The following DMD variants were observed in gnomAD, a reference collection of about 807,000 sequenced individuals.
The protein encoded by DMD is dystrophin, also known as mutant dystrophin.
A neutral mutation model predicts 330.1 loss-of-function variants in DMD; 63 were observed. The observed-to-expected ratio is 0.19, with a 90% CI of 0.16 to 0.24. DMD has a LOEUF of 0.24. Among genes scored for constraint, DMD ranks in the 10% least tolerant of loss-of-function variants. The probability of loss-of-function intolerance (pLI) is 1.00; values close to 1 mark genes in which losing one functional copy is unlikely to be tolerated. For synonymous variants in DMD, 1,223 were observed against 959.8 expected (o/e 1.27, Z -5.07); for missense variants, 3,344 against 2,684.1 (o/e 1.25, Z -5.43).
chrX:31,416,003 C>T (rs1364697575), intron 60 of DMD, among the ~76,000 whole-genome samples: 3 of 111,967 alleles, frequency 2.7e-5, no homozygotes. Flanking sequence ...ATTTTGCATA[C>T]TCAAAGGACC....
chrX:31,719,928 T>C lies in DMD; in HGVS notation c.7660+9703A>G, dbSNP rs960437043. 6.3e-5 allele frequency among the ~76,000 whole-genome samples: 7 copies of C among 111,725 alleles called. No homozygotes were observed. The Admixed American group carries it at 6.7e-4, about 11-fold the overall frequency. ...TCATATGACTGCAGCCTAATTGACA[T>C]CTGAGTGCAACATCATGAGTGATCG... On this transcript the variant is annotated intron_variant, in intron 52 of 78. Coordinates refer to ENST00000357033, the MANE Select transcript of DMD (RefSeq NM_004006.3).
chrX:32,092,724 CTTTTTTT>C (rs11315047), intron 44 of DMD, among the ~76,000 whole-genome samples: 26 of 39,784 alleles, frequency 6.5e-4, no homozygotes, highest in African/African-American at 2.3e-3. Flanking sequence ...GTTATTTTCA[CTTTTTTT>C]TTTTTTTTTT....
At chrX:31,867,531 T>C (rs189868936) in intron 48 of DMD, among the ~76,000 whole-genome samples, 2 of 111,127 alleles carry the variant, frequency 1.8e-5, no homozygotes, top group Non-Finnish European at 3.8e-5. Context: ...AAATTTTTTT[T>C]AATCTCAGAT....
At chrX:31,647,532 GTATT>G (rs1240962912) in intron 54 of DMD, among the ~76,000 whole-genome samples, 1 of 111,978 alleles carries the variant, frequency 8.9e-6, no homozygotes, top group Middle Eastern at 4.2e-3. Context: ...CATGAAAACT[GTATT>G]TGGTCATTTC....
At chrX:32,936,077 G>C (rs1478758510) in intron 2 of DMD, among the ~76,000 whole-genome samples, 1 of 108,729 alleles carries the variant, frequency 9.2e-6, no homozygotes, top group Admixed American at 9.9e-5. Flanking sequence ...AAACTGTCTA[G>C]AAACCACAGG....
intron 59 of DMD, among the ~76,000 whole-genome samples, chrX:31,476,203 G>C (rs745897159): frequency 3.5e-4 from 38 of 107,189 alleles, no homozygotes; most frequent in African/African-American, 1.2e-3. Flanking sequence ...AACAAAGATA[G>C]GTAACATTTT....
intron 51 of DMD, among the ~76,000 whole-genome samples, chrX:31,735,931 A>G (rs1374092054): frequency 8.9e-6 from 1 of 111,948 alleles, no homozygotes; most frequent in African/African-American, 3.2e-5. Context: ...GCAGTTAGTT[A>G]CACAAGGATC....
chrX:32,113,739 T>C (rs1437886782), intron 44 of DMD, among the ~76,000 whole-genome samples: 2 of 111,960 alleles, frequency 1.8e-5, no homozygotes, highest in Non-Finnish European at 3.8e-5. Context: ...AGGAATTTAT[T>C]GTCCAATTTT....
At chrX:31,863,160 G>A (rs1035781636) in intron 48 of DMD, among the ~76,000 whole-genome samples, 7 of 112,202 alleles carry the variant, frequency 6.2e-5, no homozygotes, top group Non-Finnish European at 9.4e-5. Flanking sequence ...TGGCTAACAT[G>A]GTGAAACCCC....
chrX:32,834,801 G>T lies in DMD; in HGVS notation c.264+9982C>A, dbSNP rs138848627. ...GTCAGTTAATATTAAATTATATTAA[G>T]TCAGCGAAGTCTTGGTAATGTTCCT... On this transcript the variant is annotated intron_variant, in intron 4 of 78. Coordinates refer to ENST00000357033, the MANE Select transcript of DMD (RefSeq NM_004006.3). 4.9e-3 allele frequency among the ~76,000 whole-genome samples: 547 copies of T among 111,604 alleles called. 2 individuals carry two copies. The highest frequency in any genetic ancestry group is 0.028 in the Middle Eastern group (6 of 218).
intron 39 of DMD, among the ~76,000 whole-genome samples, chrX:32,343,974 T>A (rs1006125903): frequency 8.9e-6 from 1 of 111,747 alleles, no homozygotes; most frequent in Non-Finnish European, 1.9e-5. Context: ...TACCAAATCA[T>A]GCTCTAAATG....
chrX:32,128,319 G>A (rs1022078604), intron 44 of DMD, among the ~76,000 whole-genome samples: 3 of 111,640 alleles, frequency 2.7e-5, no homozygotes, highest in Non-Finnish European at 5.7e-5. Flanking sequence ...AGGGTGGGCT[G>A]AAGAGAAAAA....
At chrX:32,925,145 G>GTTTTTTTTT (rs777224221) in intron 2 of DMD, among the ~76,000 whole-genome samples, 15 of 48,531 alleles carry the variant, frequency 3.1e-4, no homozygotes, top group African/African-American at 1.2e-3. Flanking sequence ...AAAACTCTGG[G>GTTTTTTTTT]TTTTTTTTTT....
rs751436295 is a variant in DMD at position 32,644,224 on chromosome X, T to G, written c.1239A>C (p.Ser413=). 1.7e-6 allele frequency: 2 copies of G among 1,211,058 alleles called. No homozygotes were observed. The highest frequency in any genetic ancestry group is 4.3e-5 in the Admixed American group (2 of 46,040). Residue 413 remains serine (S), a synonymous_variant, in exon 11 of 79, where the codon TCA becomes TCC. Coordinates refer to ENST00000357033, the MANE Select transcript of DMD (RefSeq NM_004006.3). ...CTTGTACTTCAGTTTCTTCATCTTC[T>G]GATAATTTTCCTGTTCCAATCAGCT... ...GSKLIGTGKL[S]EDEETEVQEQ...
At chrX:32,587,482 A>C (rs1323198928) in intron 13 of DMD, among the ~76,000 whole-genome samples, 1 of 112,110 alleles carries the variant, frequency 8.9e-6, no homozygotes, top group African/African-American at 3.2e-5. Context: ...ATATTTTGCC[A>C]TTATATTCAG....
chrX:31,790,309 T>G (rs1309911793), intron 50 of DMD, among the ~76,000 whole-genome samples: 1 of 111,199 alleles, frequency 9.0e-6, no homozygotes, highest in East Asian at 2.8e-4. Context: ...ACTGTATTGC[T>G]AAAATGGATA....
chrX:31,765,194 A>G (rs2089908181), intron 51 of DMD, among the ~76,000 whole-genome samples: 1 of 111,891 alleles, frequency 8.9e-6, no homozygotes, highest in Admixed American at 9.5e-5. Flanking sequence ...AGATCCCTGG[A>G]AAGATAAACA....
chrX:32,361,277 T>C (rs2147213276), intron 37 of DMD, among the ~76,000 whole-genome samples: 1 of 111,763 alleles, frequency 8.9e-6, no homozygotes, highest in Admixed American at 9.6e-5. Flanking sequence ...TAAGTAACAA[T>C]ACATTCTTTC....
At chrX:32,184,832 C>CTTT (rs78157427) in intron 44 of DMD, among the ~76,000 whole-genome samples, 22 of 60,610 alleles carry the variant, frequency 3.6e-4, no homozygotes, top group Non-Finnish European at 5.6e-4. Flanking sequence ...CTACAGATGT[C>CTTT]TTTTTTTTTT....
Sources: gnomAD v4.1 joint callset for allele counts (sites outside exome capture counted in the v4.1 genomes callset) on GRCh38, gnomAD v4.1.1 for gene constraint, MANE v1.5 for transcripts, NCBI Gene and HGNC (gene_info 2026-07-23, HGNC 2026-07-21) for gene names.